STK39: variants seen among roughly 807,000 people sequenced by gnomAD.
The protein encoded by STK39 is STE20/SPS1-related proline-alanine-rich protein kinase.
A neutral mutation model predicts 77.8 loss-of-function variants in STK39; 20 were observed. The ratio of observed to expected loss-of-function variants is 0.26; its 90% CI spans 0.18 to 0.37. The LOEUF is 0.37. Among genes scored for constraint, STK39 ranks in the 10% least tolerant of loss-of-function variants. The pLI is 1.00. For synonymous variants in STK39, 246 were observed against 234.1 expected (o/e 1.05, Z -0.47); for missense variants, 479 against 656.5 (o/e 0.73, Z 2.95).
At chr2:168,047,146 T>C (rs1329414660) in intron 14 of STK39, among the ~76,000 whole-genome samples, 1 of 152,202 alleles carries the variant, frequency 6.6e-6, no homozygotes, top group African/African-American at 2.4e-5. Context: ...ACAGAATGTT[T>C]TAAGAAATAA....
chr2:168,130,053 G>A (rs1687639558), intron 8 of STK39, among the ~76,000 whole-genome samples: 1 of 152,106 alleles, frequency 6.6e-6, no homozygotes, highest in Non-Finnish European at 1.5e-5. Flanking sequence ...GTTTCTAAAA[G>A]GGGGCAGACT....
At chr2:168,000,678 T>TTCAGG (rs1473237522) in intron 16 of STK39, among the ~76,000 whole-genome samples, 1 of 152,212 alleles carries the variant, frequency 6.6e-6, no homozygotes, top group Non-Finnish European at 1.5e-5. Context: ...TGTCCTTTCT[T>TTCAGG]GTCCTTCTGA....
chr2:168,075,622 G>A (rs1168577085), intron 10 of STK39, among the ~76,000 whole-genome samples: 2 of 151,790 alleles, frequency 1.3e-5, no homozygotes, highest in Non-Finnish European at 2.9e-5. Context: ...GCAACATCCT[G>A]CTGACTGAGC....
intron 10 of STK39, among the ~76,000 whole-genome samples, chr2:168,092,555 C>T (rs1686551603): frequency 6.6e-6 from 1 of 152,170 alleles, no homozygotes; most frequent in Non-Finnish European, 1.5e-5. Flanking sequence ...TATATTCTCA[C>T]ACAGTGAATA....
chr2:168,017,103 A>G lies in STK39; in HGVS notation c.1377-8T>C. On this transcript the variant is annotated splice_region_variant and splice_polypyrimidine_tract_variant and intron_variant, in intron 14 of 17. Transcript: ENST00000355999. Reference sequence around the variant, plus strand: ...AGTTCCTTTCTGGAGTTTCTGAAATACATAACATATAATACATTAAAGTCT... The same window carrying G: ...AGTTCCTTTCTGGAGTTTCTGAAATGCATAACATATAATACATTAAAGTCT... The G allele has an allele frequency of 6.3e-7, 1 of 1,598,438 alleles. No individual in the cohort carries two copies. Among genetic ancestry groups the G allele is most frequent in the Non-Finnish European group, 8.5e-7 (1 of 1,170,104 alleles).
chr2:168,013,793 G>GGTGTGTGTGTGTGTGTGTGTGT (rs4000936), intron 15 of STK39, among the ~76,000 whole-genome samples: 4 of 147,664 alleles, frequency 2.7e-5, no homozygotes, highest in African/African-American at 1.0e-4. Context: ...TAAGTGGGCT[G>GGTGTGTGTGTGTGTGTGTGTGT]GTGTGTGTGT....
intron 14 of STK39, among the ~76,000 whole-genome samples, chr2:168,017,377 A>ATTTTTTTTTTTTTTTTTTTTTTTTTT (rs386391743): frequency 2.1e-5 from 2 of 93,590 alleles, no homozygotes; most frequent in Non-Finnish European, 4.0e-5. Context: ...GGAAACCTTA[A>ATTTTTTTTTTTTTTTTTTTTTTTTTT]TTTTTTTTTT....
intron 14 of STK39, among the ~76,000 whole-genome samples, chr2:168,063,001 G>C (rs1685701231): frequency 6.6e-6 from 1 of 152,078 alleles, no homozygotes; most frequent in Admixed American, 6.5e-5. Context: ...CACCATATTT[G>C]TATCCATTTC....
At chr2:168,089,117 G>A (rs1229675938) in intron 10 of STK39, among the ~76,000 whole-genome samples, 1 of 152,184 alleles carries the variant, frequency 6.6e-6, no homozygotes, top group African/African-American at 2.4e-5. Flanking sequence ...CCAGCTCCAG[G>A]AGAAAGTGAG....
chr2:168,012,073 C>T (rs771528565), intron 16 of STK39, among the ~76,000 whole-genome samples: 1 of 151,930 alleles, frequency 6.6e-6, no homozygotes, highest in Non-Finnish European at 1.5e-5. Context: ...ACTTTTGGGT[C>T]TTCTAAGTTC....
chr2:167,966,550 C>G (rs1004796912), intron 16 of STK39, among the ~76,000 whole-genome samples: 2 of 152,156 alleles, frequency 1.3e-5, no homozygotes, highest in African/African-American at 4.8e-5. Flanking sequence ...CCAGTCTGCT[C>G]TCTAATGTTC....
At chr2:168,247,199 G>A (rs1355544309) in intron 1 of STK39, 29 bp downstream of exon 1, 2 of 1,182,504 alleles carry the variant, frequency 1.7e-6, no homozygotes, top group Admixed American at 4.3e-5. Flanking sequence ...CCCGGCCTGT[G>A]CCGGCCCCGC....
chr2:168,160,847 C>G (rs1038078025), intron 5 of STK39, among the ~76,000 whole-genome samples: 1 of 149,544 alleles, frequency 6.7e-6, no homozygotes, highest in Non-Finnish European at 1.5e-5. Flanking sequence ...AAGGTCCACT[C>G]ATGAGGACAA....
At chr2:168,113,405 G>A (rs2105474191) in intron 10 of STK39, among the ~76,000 whole-genome samples, 1 of 152,270 alleles carries the variant, frequency 6.6e-6, no homozygotes, top group South Asian at 2.1e-4. Flanking sequence ...GTGTAACACA[G>A]CGAAGACACA....
chr2:168,154,981 A>C (rs6725877), intron 5 of STK39, among the ~76,000 whole-genome samples: 1 of 151,760 alleles, frequency 6.6e-6, no homozygotes. Flanking sequence ...GCAGACCTCC[A>C]TAGTATTTGG....
chr2:167,995,928 G>C (rs1483990209), intron 16 of STK39, among the ~76,000 whole-genome samples: 1 of 152,072 alleles, frequency 6.6e-6, no homozygotes, highest in African/African-American at 2.4e-5. Context: ...CAGACACATG[G>C]GGCCCAGGCT....
chr2:168,233,149 T>C (rs181869639), intron 1 of STK39, among the ~76,000 whole-genome samples: 24 of 152,268 alleles, frequency 1.6e-4, no homozygotes, highest in Non-Finnish European at 2.8e-4. Context: ...AATGATCACA[T>C]TTTGAAACTA....
chr2:168,017,804 A>G (rs1684454116), intron 14 of STK39, among the ~76,000 whole-genome samples: 1 of 152,236 alleles, frequency 6.6e-6, no homozygotes, highest in Non-Finnish European at 1.5e-5. Flanking sequence ...TCTCAGTGAC[A>G]GAATTCAAGA....
intron 16 of STK39, among the ~76,000 whole-genome samples, chr2:167,969,317 G>A (rs1692257237): frequency 6.6e-6 from 1 of 152,156 alleles, no homozygotes; most frequent in South Asian, 2.1e-4. Context: ...AACCTAGATT[G>A]AGAATTGGAG....
Sources: gnomAD v4.1 joint callset for allele counts (sites outside exome capture counted in the v4.1 genomes callset) on GRCh38, gnomAD v4.1.1 for gene constraint, MANE v1.5 for transcripts, NCBI Gene and HGNC (gene_info 2026-07-23, HGNC 2026-07-21) for gene names.